The following PIK3R6 variants were observed in gnomAD, a reference collection of about 807,000 sequenced individuals.
PIK3R6 encodes phosphoinositide 3-kinase regulatory subunit 6.
A neutral mutation model predicts 84.9 loss-of-function variants in PIK3R6; 91 were observed. That is an observed-to-expected ratio of 1.07 (90% confidence interval 0.90 to 1.28). The LOEUF is 1.28. Among genes scored for constraint, PIK3R6 ranks in the 50% most tolerant of loss-of-function variants. The pLI, the probability that PIK3R6 is intolerant of heterozygous loss-of-function variation, is 0.00. For synonymous variants in PIK3R6, 416 were observed against 411.4 expected (o/e 1.01, Z -0.13); for missense variants, 996 against 985.1 (o/e 1.01, Z -0.15).
Position 8,839,828 on chromosome 17 carries a change from G to A in PIK3R6, c.14-131C>T. 2.9e-6 allele frequency: 2 copies of A among 688,334 alleles called. No homozygotes were observed. The highest frequency in any genetic ancestry group is 4.7e-6 in the Non-Finnish European group (2 of 425,562). The allele number at this position is 688,334 out of a possible 1,614,324, so 42.6% of individuals were successfully genotyped here. ...AGGTGCCCGAAGTAATCGACTTAGA[G>A]CTGGCAGCCAGCATGCCAGCCAGGG... On this transcript the variant is annotated intron_variant, in intron 2 of 19. Coordinates refer to ENST00000619866, the MANE Select transcript of PIK3R6 (RefSeq NM_001010855.4). The surrounding 1 kb of genome is among the most constrained non-coding windows in gnomAD (Gnocchi z 4.2).
intron 9 of PIK3R6, among the ~76,000 whole-genome samples, chr17:8,832,196 C>T (rs564645220): frequency 1.3e-5 from 2 of 152,226 alleles, no homozygotes; most frequent in South Asian, 2.1e-4. Flanking sequence ...AACTCAGTTT[C>T]GTCCTCTGTA....
At chr17:8,827,061 C>T in intron 13 of PIK3R6, 111 bp downstream of exon 13, 2 of 1,294,540 alleles carry the variant, frequency 1.5e-6, no homozygotes, top group Admixed American at 2.4e-5. Flanking sequence ...AGATGGCCCC[C>T]TCTCACCCCC....
chr17:8,849,942 T>C (rs2151296315), intron 1 of PIK3R6, 57 bp from the exon 2 acceptor site: 1 of 1,072,570 alleles, frequency 9.3e-7, no homozygotes, highest in Non-Finnish European at 1.3e-6. Context: ...AGAAAGCACC[T>C]TGGGAAATGG....
At chr17:8,853,833 T>G (rs60959140) in intron 1 of PIK3R6, among the ~76,000 whole-genome samples, 35 of 149,854 alleles carry the variant, frequency 2.3e-4, no homozygotes, top group East Asian at 6.2e-4. Flanking sequence ...TGTGGTGGCA[T>G]GCGCCTGTAG....
intron 8 of PIK3R6, among the ~76,000 whole-genome samples, chr17:8,834,156 CA>C (rs71135927): frequency 0.14 from 6,468 of 46,440 alleles, 115 homozygotes; most frequent in African/African-American, 0.23. Flanking sequence ...GACTTCGTCT[CA>C]AAAAAAAAAA....
chr17:8,836,232 G>A (rs1457831639), intron 7 of PIK3R6, among the ~76,000 whole-genome samples: 1 of 152,206 alleles, frequency 6.6e-6, no homozygotes, highest in Admixed American at 6.5e-5. Flanking sequence ...TATGGCCAAG[G>A]GCAGGATGGA....
intron 1 of PIK3R6, among the ~76,000 whole-genome samples, chr17:8,854,426 T>A (rs2151305625): frequency 6.6e-6 from 1 of 152,294 alleles, no homozygotes. Flanking sequence ...GGATTACAGG[T>A]GTGAGCCACC....
At chr17:8,805,706 A>C (rs1340676050) in intron 18 of PIK3R6, among the ~76,000 whole-genome samples, 2 of 152,134 alleles carry the variant, frequency 1.3e-5, no homozygotes. Context: ...CCCTGAGGTC[A>C]GGAGTTCGAG....
chr17:8,858,309 T>C (rs993455756), intron 1 of PIK3R6, among the ~76,000 whole-genome samples: 7 of 140,668 alleles, frequency 5.0e-5, no homozygotes, highest in Non-Finnish European at 9.3e-5. Context: ...TCTCAATTAA[T>C]CTTTTTTTTT....
intron 18 of PIK3R6, among the ~76,000 whole-genome samples, 180 bp downstream of exon 18, chr17:8,818,903 A>T (rs1415815329): frequency 6.6e-6 from 1 of 152,222 alleles, no homozygotes; most frequent in African/African-American, 2.4e-5. Flanking sequence ...GGCACTCTGC[A>T]CTTCAAACAG....
At chr17:8,843,016 C>T (rs2088723956) in intron 2 of PIK3R6, among the ~76,000 whole-genome samples, 1 of 152,166 alleles carries the variant, frequency 6.6e-6, no homozygotes, top group African/African-American at 2.4e-5. Context: ...TCCCTGAAGC[C>T]CCCACTTGGC....
rs778312503 is a variant in PIK3R6 at position 8,829,744 on chromosome 17, T to A, written c.851A>T (p.Tyr284Phe). ...RPPSIPLPSP[Y>F]ITFHLWTGEE... Reference sequence around the variant, plus strand: ...ACCGGTCCACAAGTGGAAGGTGATGTAGGGGCTGGGCAGGGGAATGCTTGG... The same window carrying A: ...ACCGGTCCACAAGTGGAAGGTGATGAAGGGGCTGGGCAGGGGAATGCTTGG... Residue 284 changes from tyrosine (Y) to phenylalanine (F), a missense_variant, in exon 10 of 20, where the codon TAC becomes TTC. By Grantham distance (22) the Tyr-to-Phe change is conservative. Coordinates refer to ENST00000619866, the MANE Select transcript of PIK3R6 (RefSeq NM_001010855.4). The A allele has an allele frequency of 6.4e-7, 1 of 1,553,830 alleles. No homozygotes were observed. The highest frequency in any genetic ancestry group is 8.7e-7 in the Non-Finnish European group (1 of 1,148,422).
chr17:8,840,857 A>T (rs1262682622), intron 2 of PIK3R6, among the ~76,000 whole-genome samples: 1 of 151,484 alleles, frequency 6.6e-6, no homozygotes, highest in Non-Finnish European at 1.5e-5. Context: ...GGTTCACGCC[A>T]TTCTCCTGCC....
At chr17:8,837,453 C>T (rs2088515849) in intron 5 of PIK3R6, among the ~76,000 whole-genome samples, 1 of 152,184 alleles carries the variant, frequency 6.6e-6, no homozygotes, top group Admixed American at 6.5e-5. Flanking sequence ...AACCACCACT[C>T]CCACCCGCTG....
intron 13 of PIK3R6, among the ~76,000 whole-genome samples, chr17:8,825,646 A>G (rs2087893031): frequency 6.6e-6 from 1 of 152,252 alleles, no homozygotes; most frequent in Non-Finnish European, 1.5e-5. Context: ...CTAGCTCAAC[A>G]TTTGGAAAAA....
chr17:8,861,628 C>T (rs2089288836), intron 1 of PIK3R6, among the ~76,000 whole-genome samples: 2 of 152,200 alleles, frequency 1.3e-5, no homozygotes, highest in South Asian at 4.1e-4. Flanking sequence ...GACTGTAAGC[C>T]ACTTGCTAGC....
chr17:8,803,634 C>A lies in PIK3R6; in HGVS notation c.2109-205G>T. ...TCACCGGGAGAGGAGACACTTGGAG[C>A]AAGTAACTCTGCGCATGCCTCCCTT... On this transcript the variant is annotated intron_variant, in intron 19 of 19. Transcript: ENST00000619866. The surrounding 1 kb of genome is among the most constrained non-coding windows in gnomAD (Gnocchi z 5.0). The A allele has an allele frequency of 1.7e-6, 1 of 579,356 alleles. No homozygotes were observed. The highest frequency in any genetic ancestry group is 3.0e-6 in the Non-Finnish European group (1 of 333,480). The allele number at this position is 579,356 out of a possible 1,614,324, so 35.9% of individuals were successfully genotyped here. A position where few individuals can be genotyped will look rare whatever the true frequency, so the allele number is the denominator to read the frequency against.
intron 1 of PIK3R6, among the ~76,000 whole-genome samples, chr17:8,866,534 T>C (rs1302072410): frequency 6.6e-6 from 1 of 152,148 alleles, no homozygotes; most frequent in Non-Finnish European, 1.5e-5. Context: ...AGCGTGAGAC[T>C]GTCTCAACAA....
Position 8,844,344 on chromosome 17 carries a change from C to T in PIK3R6, c.14-4647G>A, listed in dbSNP as rs2088766050. ...TCACAAACTCCCACGTAGGGGGAAG[C>T]ACTCCAAGTGAATGATGCTAGAGTT... On this transcript the variant is annotated intron_variant, in intron 2 of 19. Transcript: ENST00000619866. The surrounding 1 kb of genome is among the most constrained non-coding windows in gnomAD (Gnocchi z 4.5). Among the ~76,000 whole-genome samples, 1 of 152,212 alleles carries T rather than the reference C, an allele frequency of 6.6e-6. No homozygotes were observed. The highest frequency in any genetic ancestry group is 1.5e-5 in the Non-Finnish European group (1 of 68,036).
Sources: gnomAD v4.1 joint callset for allele counts (sites outside exome capture counted in the v4.1 genomes callset) on GRCh38, gnomAD v4.1.1 for gene constraint, Gnocchi (gnomAD v3.1) non-coding constraint, MANE v1.5 for transcripts, NCBI Gene and HGNC (gene_info 2026-07-23, HGNC 2026-07-21) for gene names.